The following MAGI2 variants were observed in gnomAD, a reference collection of about 807,000 sequenced individuals.
MAGI2 encodes membrane associated guanylate kinase, WW and PDZ domain containing 2, also known as membrane-associated guanylate kinase, WW and PDZ domain-containing protein 2.
In MAGI2, 35 loss-of-function variants were observed where a neutral mutation model predicts 133.3. The ratio of observed to expected loss-of-function variants is 0.26; its 90% CI spans 0.20 to 0.35. The LOEUF is 0.35. Ranked by LOEUF, MAGI2 falls within the 10% of genes least tolerant of loss-of-function variation. The pLI is 1.00. For missense variants in MAGI2, 1,636 were observed against 1,863.4 expected (o/e 0.88, Z 2.25); for synonymous variants, 729 against 710.6 (o/e 1.03, Z -0.41).
At chr7:78,070,290 G>A (rs895280111) in intron 21 of MAGI2, among the ~76,000 whole-genome samples, 2 of 147,716 alleles carry the variant, frequency 1.4e-5, no homozygotes, top group Non-Finnish European at 3.0e-5. Flanking sequence ...AGTGGAAGGT[G>A]TTCTTGAGTG....
chr7:78,362,072 C>T (rs577569156), intron 7 of MAGI2, among the ~76,000 whole-genome samples: 3 of 152,060 alleles, frequency 2.0e-5, no homozygotes, highest in South Asian at 2.1e-4. Context: ...GAGGCTGAGG[C>T]GGGTGGATCA....
At chr7:79,156,601 AGC>A (rs1823804877) in intron 1 of MAGI2, among the ~76,000 whole-genome samples, 1 of 152,084 alleles carries the variant, frequency 6.6e-6, no homozygotes, top group South Asian at 2.1e-4. Context: ...ATAACCTGGA[AGC>A]TCCTGCTTCA....
At chr7:78,035,065 A>G (rs1810037570) in intron 21 of MAGI2, 1 of 152,432 alleles carries the variant, frequency 6.6e-6, no homozygotes, top group South Asian at 2.1e-4. Context: ...CGGGACATAC[A>G]CAGGACTAAG....
intron 16 of MAGI2, among the ~76,000 whole-genome samples, chr7:78,136,443 A>G (rs1453720292): frequency 6.6e-6 from 1 of 152,088 alleles, no homozygotes; most frequent in Non-Finnish European, 1.5e-5. Flanking sequence ...CTGTTTATTT[A>G]TATGTGTGAG....
intron 1 of MAGI2, among the ~76,000 whole-genome samples, chr7:79,390,042 G>C (rs1258221991): frequency 6.6e-6 from 1 of 152,112 alleles, no homozygotes; most frequent in African/African-American, 2.4e-5. Flanking sequence ...ATGCCCAACA[G>C]TCCAGAAAAA....
In MAGI2 at chr7:78,503,559, C is replaced by CT. The variant is rs1413435447; in HGVS notation, c.755-1773_755-1772insA. Among the ~76,000 whole-genome samples, 88 of 100,328 alleles carry CT rather than the reference C, an allele frequency of 8.8e-4. 2 individuals are homozygous for CT. The highest frequency in any genetic ancestry group is 5.1e-3 in the Middle Eastern group (1 of 198). The allele number at this position is 100,328 out of a possible 152,430, so 65.8% of individuals were successfully genotyped here. On this transcript the variant is annotated intron_variant, in intron 4 of 21. Transcript: ENST00000354212. ...CCCCTGCTTGCACTCACTCCATCTC[C>CT]CCCTCCCCCTCCTCCTCCCCCTCCT...
intron 20 of MAGI2, among the ~76,000 whole-genome samples, chr7:78,086,071 CT>C (rs1465926000): frequency 6.6e-6 from 1 of 152,156 alleles, no homozygotes; most frequent in Non-Finnish European, 1.5e-5. Flanking sequence ...AGTATCCCTA[CT>C]GTGGAAGTAG....
chr7:78,389,949 CTG>C (rs1795748824), intron 6 of MAGI2, among the ~76,000 whole-genome samples: 1 of 152,194 alleles, frequency 6.6e-6, no homozygotes, highest in East Asian at 1.9e-4. Flanking sequence ...CATGTGGACA[CTG>C]TGTTTTTAAC....
intron 2 of MAGI2, among the ~76,000 whole-genome samples, chr7:78,711,429 A>G (rs538048729): frequency 6.6e-6 from 1 of 152,270 alleles, no homozygotes; most frequent in South Asian, 2.1e-4. Context: ...GGGCAGGAAT[A>G]AAATGGGTGA....
At chr7:78,340,588 C>T (rs554703509) in intron 9 of MAGI2, among the ~76,000 whole-genome samples, 22 of 152,316 alleles carry the variant, frequency 1.4e-4, no homozygotes, top group Non-Finnish European at 2.9e-4. Context: ...TCCAGCAGCA[C>T]ATCAAAAAGC....
chr7:78,559,102 G>A (rs1374279062), intron 3 of MAGI2, among the ~76,000 whole-genome samples: 9 of 108,522 alleles, frequency 8.3e-5, no homozygotes, highest in Non-Finnish European at 1.0e-4. Context: ...CAATCATTAC[G>A]ACTCTACTTT....
rs566560862 is a variant in MAGI2 at position 78,670,402 on chromosome 7, C to T, written c.419-43163G>A. On this transcript the variant is annotated intron_variant, in intron 2 of 21. Transcript: ENST00000354212. ...CCTCTTCAAGGAGAACTACAAACCA[C>T]TGTGCAATGAAATAAAAGACGATAC... Among the ~76,000 whole-genome samples, 96 of 152,272 alleles carry T rather than the reference C, an allele frequency of 6.3e-4. 2 individuals are homozygous for T. The highest frequency in any genetic ancestry group is 6.8e-3 in the Middle Eastern group (2 of 294).
intron 3 of MAGI2, among the ~76,000 whole-genome samples, chr7:78,549,909 C>G (rs920159658): frequency 6.6e-6 from 1 of 152,106 alleles, no homozygotes; most frequent in African/African-American, 2.4e-5. Context: ...TTAACTTCTA[C>G]TATGATCTGA....
chr7:79,359,086 G>T (rs556457462), intron 1 of MAGI2, among the ~76,000 whole-genome samples: 11 of 152,096 alleles, frequency 7.2e-5, no homozygotes, highest in African/African-American at 2.6e-4. Flanking sequence ...AAATAAAAAT[G>T]CTTCAAGAAT....
chr7:78,402,372 C>T (rs1796966363), intron 6 of MAGI2, among the ~76,000 whole-genome samples: 1 of 150,060 alleles, frequency 6.7e-6, no homozygotes, highest in Non-Finnish European at 1.5e-5. Flanking sequence ...TGTGTATCCA[C>T]CTGGGGTGTG....
At chr7:79,205,509 G>T (rs1309366778) in intron 1 of MAGI2, among the ~76,000 whole-genome samples, 8 of 151,808 alleles carry the variant, frequency 5.3e-5, no homozygotes, top group African/African-American at 1.9e-4. Flanking sequence ...TGAGTTGAAA[G>T]AAACAGACAC....
At chr7:78,783,072 T>A (rs1018927480) in intron 2 of MAGI2, among the ~76,000 whole-genome samples, 25 of 140,670 alleles carry the variant, frequency 1.8e-4, no homozygotes, top group Admixed American at 9.0e-4. Context: ...TCTGCAAACA[T>A]CTTGATGGCA....
intron 1 of MAGI2, among the ~76,000 whole-genome samples, chr7:79,105,966 G>GAAAAC (rs1175391856): frequency 6.6e-6 from 1 of 151,796 alleles, no homozygotes; most frequent in Non-Finnish European, 1.5e-5. Context: ...TTACAAGAAG[G>GAAAAC]AAAACAAAAC....
At chr7:79,357,236 T>C (rs1443578954) in intron 1 of MAGI2, among the ~76,000 whole-genome samples, 4 of 152,156 alleles carry the variant, frequency 2.6e-5, no homozygotes, top group African/African-American at 9.7e-5. Flanking sequence ...TCGCCAACAC[T>C]GTACCTCATC....
Sources: gnomAD v4.1 joint callset for allele counts (sites outside exome capture counted in the v4.1 genomes callset) on GRCh38, gnomAD v4.1.1 for gene constraint, MANE v1.5 for transcripts, NCBI Gene and HGNC (gene_info 2026-07-23, HGNC 2026-07-21) for gene names.